The following ATG4A variants were observed in gnomAD, a reference collection of about 807,000 sequenced individuals.
The protein encoded by ATG4A is cysteine protease ATG4A.
A neutral mutation model predicts 38.4 loss-of-function variants in ATG4A; 22 were observed. The observed-to-expected ratio is 0.57, with a 90% CI of 0.41 to 0.82. ATG4A has a LOEUF of 0.82. ATG4A is among the 40% of genes least tolerant of loss of function. The pLI is 0.00. For synonymous variants in ATG4A, 86 were observed against 100.7 expected, an observed-to-expected ratio of 0.85 and a Z score of 0.88; for missense variants, 220 against 290.0, an observed-to-expected ratio of 0.76 and a Z score of 1.75.
chrX:108,148,709 T>C (rs1390729736), intron 9 of ATG4A, among the ~76,000 whole-genome samples: 3 of 111,879 alleles, frequency 2.7e-5, no homozygotes, highest in African/African-American at 9.8e-5. Flanking sequence ...TGGTCTTAGG[T>C]AGGCTTCCTT....
At chrX:108,093,837 A>C (rs1357952417) in intron 1 of ATG4A, among the ~76,000 whole-genome samples, 1 of 111,703 alleles carries the variant, frequency 9.0e-6, no homozygotes. Flanking sequence ...GCATATTTTC[A>C]TGTGCTTATT....
At chrX:108,089,121 A>C (rs1275869616), upstream of ATG4A, among the ~76,000 whole-genome samples, 2 of 112,754 alleles carry the variant, frequency 1.8e-5, no homozygotes, top group African/African-American at 6.4e-5. Context: ...ATGCTTTGAC[A>C]GAAATACATC....
intron 1 of ATG4A, among the ~76,000 whole-genome samples, chrX:108,115,298 A>G (rs2147981559): frequency 9.0e-6 from 1 of 111,195 alleles, no homozygotes; most frequent in East Asian, 2.8e-4. Context: ...AGGTATTCTT[A>G]CCAGCAGTAA....
chrX:108,129,449 G>A (rs776043018), intron 3 of ATG4A, among the ~76,000 whole-genome samples: 112 of 111,626 alleles, frequency 1.0e-3, no homozygotes, highest in Non-Finnish European at 1.8e-3. Flanking sequence ...CTAGTATCAT[G>A]GCCCTGTAGG....
rs770542946 is a variant in ATG4A at position 108,153,935 on chromosome X, C to T, written c.*223C>T. The T allele has an allele frequency of 2.5e-5, 8 of 318,464 alleles. No homozygotes were observed. Among genetic ancestry groups the T allele is most frequent in the Non-Finnish European group, 3.8e-5 (7 of 184,316 alleles). The allele number at this position is 318,464 out of a possible 1,213,427, so 26.2% of individuals were successfully genotyped here. On this transcript the variant is annotated 3_prime_UTR_variant, in exon 13 of 13. Transcript: ENST00000372232. ...GAAAGAAATAGAACAATCATGGAGCCTAGGAGCAGAGAGATGAGGAGGAGT... is the reference window on the plus strand; with the variant it reads ...GAAAGAAATAGAACAATCATGGAGCTTAGGAGCAGAGAGATGAGGAGGAGT...
At chrX:108,133,374 G>A (rs1041395212) in intron 4 of ATG4A, among the ~76,000 whole-genome samples, 1 of 112,376 alleles carries the variant, frequency 8.9e-6, no homozygotes, top group Non-Finnish European at 1.9e-5. Context: ...TAGGATTTAG[G>A]GGGCTGTGCT....
At chrX:108,147,329 A>T (rs963475640) in intron 9 of ATG4A, among the ~76,000 whole-genome samples, 8 of 111,456 alleles carry the variant, frequency 7.2e-5, no homozygotes, top group African/African-American at 2.6e-4. Context: ...TTCTGGCAAA[A>T]AAAGTTCATC....
rs754592624 is a variant in ATG4A at position 108,148,983 on chromosome X, C to G, written c.815-1169C>G. On this transcript the variant is annotated intron_variant, in intron 9 of 12. Coordinates refer to ENST00000372232, the MANE Select transcript of ATG4A (RefSeq NM_052936.5). The stretch of plus-strand genomic sequence containing the variant: ...AAATCTTCTGGTCCTTGTAATATAC[C>G]ATGAGGCAACTAGAACAGGCCCGAT... 8.9e-5 allele frequency among the ~76,000 whole-genome samples: 10 copies of G among 112,568 alleles called. No individual in the cohort carries two copies. In the South Asian group the frequency reaches 3.7e-3, roughly 41 times the overall value.
chrX:108,145,499 G>T (rs2033401691), intron 9 of ATG4A, among the ~76,000 whole-genome samples: 1 of 112,483 alleles, frequency 8.9e-6, no homozygotes, highest in Non-Finnish European at 1.9e-5. Context: ...TACAGCAGCT[G>T]CAATTGGAGT....
At chrX:108,108,159 CT>C (rs35622417) in intron 1 of ATG4A, among the ~76,000 whole-genome samples, 17 of 65,735 alleles carry the variant, frequency 2.6e-4, no homozygotes, top group South Asian at 1.9e-3. Flanking sequence ...TTTTGAGGCA[CT>C]TTTTTTTTTT....
chrX:108,137,128 G>A lies in ATG4A; in HGVS notation c.505G>A (p.Val169Ile), dbSNP rs750183063. 1 of 1,208,516 alleles carries A rather than the reference G, an allele frequency of 8.3e-7. No homozygotes were observed. Among genetic ancestry groups the A allele is most frequent in the Non-Finnish European group, 1.1e-6 (1 of 893,394 alleles). Residue 169 changes from valine (V) to isoleucine (I), a missense_variant, in exon 7 of 13, where the codon GTT (valine) becomes ATT (isoleucine). Val to Ile is a conservative substitution (Grantham distance 29). Transcript: ENST00000372232. Reference protein sequence around the residue: ...ALFDEWNSLAVYVSMDNTVVI... With the variant: ...ALFDEWNSLAIYVSMDNTVVI... ...ATTTGACGAATGGAATTCCTTGGCTGTTTATGTTTCAATGGATAACACAGT... is the reference window on the plus strand; with the variant it reads ...ATTTGACGAATGGAATTCCTTGGCTATTTATGTTTCAATGGATAACACAGT...
Position 108,138,164 on chromosome X carries a change from A to C in ATG4A, c.787A>C (p.Asn263His), listed in dbSNP as rs780932050. ...AGGGGCATTAGGAGGAAAACCAAAT[A>C]ACGCGTATTATTTCATAGGATTCTT... ...SLGALGGKPN[N>H]AYYFIGFLGD... Residue 263 changes from asparagine to histidine, a missense_variant, in exon 9 of 13, where the codon AAC becomes CAC. Physicochemically the swap from Asn to His is moderately conservative, Grantham distance 68 (BLOSUM62 1). Transcript: ENST00000372232. 5.0e-6 allele frequency: 6 copies of C among 1,207,003 alleles called. No homozygotes were observed. The highest frequency in any genetic ancestry group is 2.2e-5 in the Admixed American group (1 of 45,662).
chrX:108,099,423 A>G (rs1319813430), intron 1 of ATG4A, among the ~76,000 whole-genome samples: 11 of 111,486 alleles, frequency 9.9e-5, no homozygotes, highest in Non-Finnish European at 2.1e-4. Flanking sequence ...TAGCTTGCAA[A>G]TATTCTCTTC....
intron 9 of ATG4A, among the ~76,000 whole-genome samples, chrX:108,139,910 G>C (rs2033193837): frequency 9.0e-6 from 1 of 111,292 alleles, no homozygotes; most frequent in Non-Finnish European, 1.9e-5. Flanking sequence ...AGGCAAAGGA[G>C]CTTTCTGGAG....
intron 10 of ATG4A, 87 bp downstream of exon 10, chrX:108,150,384 G>A: frequency 9.0e-7 from 1 of 1,117,282 alleles, no homozygotes; most frequent in Non-Finnish European, 1.2e-6. Flanking sequence ...AGGTAGGAAG[G>A]CAAGAGTATG....
intron 5 of ATG4A, 55 bp downstream of exon 5, chrX:108,134,213 C>T (rs1037701492): frequency 8.8e-7 from 1 of 1,138,345 alleles, no homozygotes; most frequent in African/African-American, 1.8e-5. Context: ...TCCTTCTCTT[C>T]CCTTGCCTTA....
At chrX:108,120,367 G>A (rs906925160) in intron 1 of ATG4A, among the ~76,000 whole-genome samples, 6 of 111,959 alleles carry the variant, frequency 5.4e-5, no homozygotes, top group African/African-American at 2.0e-4. Flanking sequence ...GGCAAAAAGA[G>A]GCAGCAATTC....
chrX:108,133,677 G>A (rs2033022208), intron 4 of ATG4A, among the ~76,000 whole-genome samples: 1 of 112,311 alleles, frequency 8.9e-6, no homozygotes, highest in Non-Finnish European at 1.9e-5. Flanking sequence ...GAGATGAGAT[G>A]CTATGGCATC....
chrX:108,111,594 T>A (rs755967511), intron 1 of ATG4A, among the ~76,000 whole-genome samples: 1 of 111,292 alleles, frequency 9.0e-6, no homozygotes, highest in East Asian at 2.8e-4. Context: ...TAAACCCAAT[T>A]CTGGGCCCTG....
Sources: allele counts gnomAD v4.1 joint callset (sites outside exome capture counted in the v4.1 genomes callset), GRCh38; gene constraint gnomAD v4.1.1; transcripts MANE v1.5; gene names NCBI Gene and HGNC (gene_info 2026-07-23, HGNC 2026-07-21).